The following ZSCAN21 variants were observed in gnomAD, a reference collection of about 807,000 sequenced individuals.
ZSCAN21 encodes zinc finger and SCAN domain-containing protein 21.
A neutral mutation model predicts 35.6 loss-of-function variants in ZSCAN21; 26 were observed. The observed-to-expected ratio is 0.73, with a 90% CI of 0.54 to 1.01. The LOEUF is 1.01. Among genes scored for constraint, ZSCAN21 ranks in the 50% least tolerant of loss-of-function variants. ZSCAN21 has a pLI of 0.00. For synonymous variants in ZSCAN21, 219 were observed against 219.3 expected (o/e 1.00, Z 0.01); for missense variants, 593 against 587.1 (o/e 1.01, Z -0.10).
rs747513390 is a variant in ZSCAN21, at chr7:100,064,372, T to C, written c.1177T>C (p.Cys393Arg). 9 of 1,614,050 alleles carry C rather than the reference T, an allele frequency of 5.6e-6. No individual in the cohort carries two copies. Among genetic ancestry groups the C allele is most frequent in the Non-Finnish European group, 5.9e-6 (7 of 1,180,010 alleles). Residue 393 changes from cysteine (C) to arginine (R), a missense_variant, in exon 4 of 4, where the codon TGT becomes CGT. Coordinates refer to ENST00000292450, the MANE Select transcript of ZSCAN21 (RefSeq NM_145914.3). ...GGAGAAGCCTTATCAGTGTAACGAATGTGGGAAGAGCTTCAGTCAGCATGC... is the reference window on the plus strand; with the variant it reads ...GGAGAAGCCTTATCAGTGTAACGAACGTGGGAAGAGCTTCAGTCAGCATGC... ...TGEKPYQCNE[C>R]GKSFSQHAGL...
Position 100,057,896 on chromosome 7 carries a change from G to C in ZSCAN21, c.592+6G>C, listed in dbSNP as rs367853714. 4 of 1,594,426 alleles carry C rather than the reference G, an allele frequency of 2.5e-6. No homozygotes were observed. In the African/African-American group the frequency reaches 5.4e-5, roughly 22 times the overall value. ...AGATCCAAGAAAGGTCCGAGGTGAGGACCACCCATTAGACTCCTATTCAGT... is the reference window on the plus strand; with the variant it reads ...AGATCCAAGAAAGGTCCGAGGTGAGCACCACCCATTAGACTCCTATTCAGT... On this transcript the variant is annotated splice_donor_region_variant and intron_variant, in intron 3 of 3. Coordinates refer to ENST00000292450, the MANE Select transcript of ZSCAN21 (RefSeq NM_145914.3).
At chr7:100,060,907 C>T (rs1304213225) in intron 3 of ZSCAN21, among the ~76,000 whole-genome samples, 1 of 149,078 alleles carries the variant, frequency 6.7e-6, no homozygotes, top group African/African-American at 2.5e-5. Context: ...AAAAATTAGT[C>T]GAGTGTATTG....
chr7:100,057,438 A>G, intron 2 of ZSCAN21, 33 bp downstream of exon 2: 4 of 1,511,354 alleles, frequency 2.6e-6, no homozygotes, highest in Non-Finnish European at 2.6e-6. Flanking sequence ...ATTCTAGGAG[A>G]TTGGGAGCGT....
At chr7:100,053,784 TGTG>T (rs942480415) in intron 1 of ZSCAN21, among the ~76,000 whole-genome samples, 1 of 151,976 alleles carries the variant, frequency 6.6e-6, no homozygotes, top group Non-Finnish European at 1.5e-5. Context: ...AGGTTTAACA[TGTG>T]GCCCTAAAGA....
chr7:100,050,254 C>A (rs533708127), intron 1 of ZSCAN21, among the ~76,000 whole-genome samples: 3 of 152,210 alleles, frequency 2.0e-5, no homozygotes, highest in Non-Finnish European at 4.4e-5. Flanking sequence ...CTGTGGGAAG[C>A]CGAACCTCAT....
intron 3 of ZSCAN21, among the ~76,000 whole-genome samples, chr7:100,058,702 G>T (rs1405732651): frequency 6.6e-6 from 1 of 152,224 alleles, no homozygotes; most frequent in Non-Finnish European, 1.5e-5. Context: ...GTCATCCCCT[G>T]TGGGGGTGTT....
intron 3 of ZSCAN21, among the ~76,000 whole-genome samples, chr7:100,062,481 G>A (rs1038049103): frequency 6.6e-6 from 1 of 151,540 alleles, no homozygotes; most frequent in East Asian, 1.9e-4. Context: ...TGTAATCTCA[G>A]CTACTCGGGA....
intron 1 of ZSCAN21, among the ~76,000 whole-genome samples, chr7:100,051,159 CAA>C (rs1419179903): frequency 1.2e-3 from 46 of 38,396 alleles, no homozygotes; most frequent in Admixed American, 2.7e-3. Context: ...GCCTGGGAAA[CAA>C]GAGTGAAACT....
Position 100,064,081 on chromosome 7 carries a change from A to G in ZSCAN21, c.886A>G (p.Arg296Gly), listed in dbSNP as rs1303126610. ...TAATAGCTCAAATCTCACCAAACAC[A>G]GGAGAACACACACTGGGGAGAAACC... is the stretch of plus-strand genomic sequence containing the variant. ...FSNSSNLTKH[R>G]RTHTGEKPYV... Residue 296 changes from arginine to glycine, a missense_variant, in exon 4 of 4, where the codon AGG becomes GGG. Transcript: ENST00000292450. 3 of 1,614,178 alleles carry G rather than the reference A, an allele frequency of 1.9e-6. No homozygotes were observed. The highest frequency in any genetic ancestry group is 2.5e-6 in the Non-Finnish European group (3 of 1,180,040).
At chr7:100,058,700 C>G (rs143083080) in intron 3 of ZSCAN21, among the ~76,000 whole-genome samples, 4 of 152,320 alleles carry the variant, frequency 2.6e-5, no homozygotes, top group Admixed American at 2.0e-4. Context: ...TGGTCATCCC[C>G]TGTGGGGGTG....
At chr7:100,063,657 G>A (rs747671297) in intron 3 of ZSCAN21, 131 bp from the exon 4 acceptor site, 34 of 763,686 alleles carry the variant, frequency 4.5e-5, no homozygotes, top group Non-Finnish European at 6.1e-5. Context: ...GTATCTATGC[G>A]CTATCATGAG....
intron 1 of ZSCAN21, among the ~76,000 whole-genome samples, chr7:100,053,534 C>CATACATAA (rs1333517706): frequency 6.9e-6 from 1 of 145,074 alleles, no homozygotes; most frequent in Non-Finnish European, 1.5e-5. Context: ...TACATACATA[C>CATACATAA]ATACATACAT....
chr7:100,064,815 C>G lies in ZSCAN21; in HGVS notation c.*198C>G. 1.2e-6 allele frequency: 2 copies of G among 1,614,160 alleles called. No homozygotes were observed. Among genetic ancestry groups the G allele is most frequent in the Non-Finnish European group, 1.7e-6 (2 of 1,180,040 alleles). ...AGAAGGTGTCAGGAGGTTCCACACT[C>G]GCCAGTTCACTGGAGCAGAGTCCCT... On this transcript the variant is annotated 3_prime_UTR_variant, in exon 4 of 4. Coordinates refer to ENST00000292450, the MANE Select transcript of ZSCAN21 (RefSeq NM_145914.3).
chr7:100,062,610 C>A lies in ZSCAN21; in HGVS notation c.593-1178C>A, dbSNP rs201648531. Among the ~76,000 whole-genome samples, 139 of 87,264 alleles carry A rather than the reference C, an allele frequency of 1.6e-3. 1 individual carries two copies. The highest frequency in any genetic ancestry group is 0.02 in the Middle Eastern group (2 of 98). The allele number at this position is 87,264 out of a possible 152,430, so 57.2% of individuals were successfully genotyped here. On this transcript the variant is annotated intron_variant, in intron 3 of 3. Transcript: ENST00000292450. ...AACTCCATCTCAAAAAAAAAAAAAA[C>A]ATCTGGGCACGGTGGCTCACGCCTG...
intron 1 of ZSCAN21, among the ~76,000 whole-genome samples, chr7:100,051,277 A>ATCTTCTTTTTTTT (rs1791861327): frequency 4.4e-5 from 2 of 45,104 alleles, no homozygotes; most frequent in Non-Finnish European, 8.9e-5. Context: ...GGATCTAGGG[A>ATCTTCTTTTTTTT]TTTTCTTTTT....
chr7:100,053,838 TC>T (rs1479057568), intron 1 of ZSCAN21, among the ~76,000 whole-genome samples: 1 of 151,732 alleles, frequency 6.6e-6, no homozygotes, highest in Non-Finnish European at 1.5e-5. Context: ...CCCCACAGAG[TC>T]CCATCTTTAG....
chr7:100,064,770 A>T lies in ZSCAN21; in HGVS notation c.*153A>T, dbSNP rs766342980. ...TGAGGAGTGCGAGCTCCACAGCAAC[A>T]TGGCAGGCAGGAGGTCCTCAGAAGG... is the stretch of plus-strand genomic sequence containing the variant. On this transcript the variant is annotated 3_prime_UTR_variant, in exon 4 of 4. Transcript: ENST00000292450. The T allele has an allele frequency of 1.2e-6, 2 of 1,614,130 alleles. No individual in the cohort carries two copies. Among genetic ancestry groups the T allele is most frequent in the Non-Finnish European group, 1.7e-6 (2 of 1,180,022 alleles).
At chr7:100,051,153 G>A (rs565134069) in intron 1 of ZSCAN21, among the ~76,000 whole-genome samples, 22 of 72,648 alleles carry the variant, frequency 3.0e-4, no homozygotes, top group Admixed American at 2.9e-4. Flanking sequence ...ACTCCAGCCT[G>A]GGAAACAAGA....
intron 3 of ZSCAN21, among the ~76,000 whole-genome samples, chr7:100,061,746 CAGAG>C (rs1299630438): frequency 3.9e-5 from 6 of 152,030 alleles, no homozygotes; most frequent in Non-Finnish European, 7.4e-5. Context: ...GACAGCTGGG[CAGAG>C]AGAGAGAAGC....
Sources: gnomAD v4.1 joint callset for allele counts (sites outside exome capture counted in the v4.1 genomes callset) on GRCh38, gnomAD v4.1.1 for gene constraint, MANE v1.5 for transcripts, NCBI Gene and HGNC (gene_info 2026-07-23, HGNC 2026-07-21) for gene names.